Variants in INTS7 observed in about 807,000 individuals in gnomAD.
INTS7 encodes chromosome 1 open reading frame 73.
In INTS7, 46 loss-of-function variants were observed where a neutral mutation model predicts 109.2. The observed-to-expected ratio is 0.42, with a 90% confidence interval of 0.33 to 0.54. The LOEUF (loss-of-function observed/expected upper bound fraction) is 0.54, where lower values mean the gene tolerates loss of function less well. Among genes scored for constraint, INTS7 ranks in the 20% least tolerant of loss-of-function variants. The probability of loss-of-function intolerance (pLI) is 0.07; values close to 1 mark genes in which losing one functional copy is unlikely to be tolerated. For synonymous variants in INTS7, 412 were observed against 402.9 expected (o/e 1.02, Z -0.27); for missense variants, 929 against 1,132.4 (o/e 0.82, Z 2.58).
intron 5 of INTS7, 61 bp downstream of exon 5, chr1:212,011,314 T>G: frequency 1.2e-6 from 1 of 839,684 alleles, no homozygotes; most frequent in Non-Finnish European, 1.9e-6. Flanking sequence ...ACTTAATTAG[T>G]GTTAGCAACT....
At chr1:212,027,638 T>C (rs1666987357) in intron 1 of INTS7, among the ~76,000 whole-genome samples, 1 of 152,284 alleles carries the variant, frequency 6.6e-6, no homozygotes, top group African/African-American at 2.4e-5. Context: ...TTCATTATTC[T>C]AACATTATTT....
At chr1:212,033,190 G>C (rs903141145) in intron 1 of INTS7, among the ~76,000 whole-genome samples, 1 of 151,848 alleles carries the variant, frequency 6.6e-6, no homozygotes, top group Non-Finnish European at 1.5e-5. Flanking sequence ...TGGAGTTTGG[G>C]AACGAAAAAA....
intron 13 of INTS7, among the ~76,000 whole-genome samples, chr1:211,970,033 T>A (rs1664102669): frequency 6.6e-6 from 1 of 152,100 alleles, no homozygotes; most frequent in Admixed American, 6.6e-5. Context: ...CAGCTAATTT[T>A]TTTTTGTAGA....
intron 16 of INTS7, among the ~76,000 whole-genome samples, chr1:211,956,239 C>T (rs779763859): frequency 9.2e-5 from 14 of 152,152 alleles, no homozygotes; most frequent in Non-Finnish European, 2.9e-5. Flanking sequence ...GACTCTTAAT[C>T]CTACCCTTAA....
At chr1:211,986,954 A>G (rs1411341029) in intron 8 of INTS7, among the ~76,000 whole-genome samples, 2 of 152,234 alleles carry the variant, frequency 1.3e-5, no homozygotes, top group Non-Finnish European at 2.9e-5. Context: ...AATTCAAACT[A>G]ACTGACTACA....
chr1:211,999,861 T>C (rs1408934592), intron 7 of INTS7, among the ~76,000 whole-genome samples: 1 of 152,102 alleles, frequency 6.6e-6, no homozygotes, highest in Admixed American at 6.6e-5. Flanking sequence ...TCTAGTACTT[T>C]AGGGAGGCCG....
Position 212,011,065 on chromosome 1 carries a change from A to G in INTS7, c.556+310T>C, listed in dbSNP as rs568016682. On this transcript the variant is annotated intron_variant, in intron 5 of 19. Transcript: ENST00000366994. ...ATAAGTCCCTTCTCTCAACCCACCAACGACTTACTTTTGAGACTCTCTATC... is the reference window on the plus strand; with the variant it reads ...ATAAGTCCCTTCTCTCAACCCACCAGCGACTTACTTTTGAGACTCTCTATC... 2.0e-4 allele frequency among the ~76,000 whole-genome samples: 31 copies of G among 152,114 alleles called. No individual in the cohort carries two copies. In the East Asian group the frequency reaches 2.5e-3, roughly 12 times the overall value.
intron 16 of INTS7, among the ~76,000 whole-genome samples, chr1:211,962,932 A>C (rs1663704828): frequency 6.6e-6 from 1 of 152,216 alleles, no homozygotes; most frequent in South Asian, 2.1e-4. Context: ...GAAAGACCTC[A>C]ATTTACAAAG....
intron 13 of INTS7, among the ~76,000 whole-genome samples, chr1:211,969,149 G>A (rs1024302433): frequency 6.6e-6 from 1 of 151,936 alleles, no homozygotes; most frequent in Non-Finnish European, 1.5e-5. Context: ...GCTGGGCGTT[G>A]TGGCGGGTGC....
rs1476883123 is a variant in INTS7 at position 212,006,752 on chromosome 1, G to A, written c.766C>T (p.Leu256=). The A allele has an allele frequency of 6.2e-7, 1 of 1,602,046 alleles. No homozygotes were observed. Among genetic ancestry groups the A allele is most frequent in the Non-Finnish European group, 8.5e-7 (1 of 1,172,946 alleles). ...LVDTPKQIQL[L]LQYLKNDPRK... ...GGATCATTCTTCAAATACTGCAACA[G>A]AAGCTGAATCTATAAAGGAAATAAG... is the stretch of plus-strand genomic sequence containing the variant. The change falls in exon 7 of 20, where the codon CTG becomes TTG. Residue 256 remains leucine, a synonymous_variant. Transcript: ENST00000366994.
chr1:211,987,200 G>C (rs1664930304), intron 8 of INTS7, among the ~76,000 whole-genome samples: 1 of 152,064 alleles, frequency 6.6e-6, no homozygotes, highest in Non-Finnish European at 1.5e-5. Context: ...GGGAGGCTGA[G>C]GCAAGAGAAT....
chr1:212,015,578 G>A (rs1187121439), intron 4 of INTS7, among the ~76,000 whole-genome samples: 2 of 151,844 alleles, frequency 1.3e-5, no homozygotes, highest in East Asian at 1.9e-4. Context: ...GAGGAAGGCC[G>A]CAGGGTCCTC....
At chr1:212,030,145 A>G (rs1203377699) in intron 1 of INTS7, among the ~76,000 whole-genome samples, 2 of 152,330 alleles carry the variant, frequency 1.3e-5, no homozygotes, top group Non-Finnish European at 1.5e-5. Context: ...TTAGTTATAT[A>G]TAAGAATGAG....
intron 1 of INTS7, among the ~76,000 whole-genome samples, chr1:212,027,829 A>G (rs1192588697): frequency 9.1e-6 from 1 of 110,410 alleles, no homozygotes; most frequent in African/African-American, 3.1e-5. Flanking sequence ...TGGCATCGAG[A>G]TTCCTTTTTT....
intron 13 of INTS7, among the ~76,000 whole-genome samples, chr1:211,974,270 A>ATATATATATAT (rs1664306386): frequency 3.9e-5 from 4 of 101,918 alleles, no homozygotes; most frequent in African/African-American, 1.5e-4. Context: ...CTTCCCAGAA[A>ATATATATATAT]AAAAAAATAT....
Position 211,952,607 on chromosome 1 carries a change from C to CT in INTS7, c.2277dup (p.Glu760ArgfsTer65). The CT allele has an allele frequency of 6.2e-7, 1 of 1,613,262 alleles. No homozygotes were observed. Among genetic ancestry groups the CT allele is most frequent in the Non-Finnish European group, 8.5e-7 (1 of 1,179,532 alleles). Reference sequence around the variant, plus strand: ...GGGGTATATTTCCGATTGAGTGATTCTACCTCCTCCAAGACATGATTATAT... The same window carrying CT: ...GGGGTATATTTCCGATTGAGTGATTCTTACCTCCTCCAAGACATGATTATAT... On this transcript the variant is annotated frameshift_variant, in exon 17 of 20. Coordinates refer to ENST00000366994, the MANE Select transcript of INTS7 (RefSeq NM_015434.4). LOFTEE classifies it high-confidence loss of function.
intron 1 of INTS7, among the ~76,000 whole-genome samples, chr1:212,027,122 G>C (rs1469647903): frequency 6.6e-6 from 1 of 152,184 alleles, no homozygotes; most frequent in Non-Finnish European, 1.5e-5. Context: ...GCCCTCCTTA[G>C]GAAAGAGGTA....
At chr1:212,003,036 G>A (rs1203698100) in intron 7 of INTS7, among the ~76,000 whole-genome samples, 1 of 152,058 alleles carries the variant, frequency 6.6e-6, no homozygotes, top group African/African-American at 2.4e-5. Context: ...CAAAGAGATA[G>A]AAAATAGAAA....
intron 5 of INTS7, among the ~76,000 whole-genome samples, chr1:212,009,594 C>A (rs1422490004): frequency 6.6e-6 from 1 of 152,190 alleles, no homozygotes; most frequent in Non-Finnish European, 1.5e-5. Flanking sequence ...TTAACCTGTA[C>A]CCTTAGAGGT....
Sources: gnomAD v4.1 joint callset for allele counts (sites outside exome capture counted in the v4.1 genomes callset) on GRCh38, gnomAD v4.1.1 for gene constraint, MANE v1.5 for transcripts, NCBI Gene and HGNC (gene_info 2026-07-23, HGNC 2026-07-21) for gene names.